Variants in DCC observed in about 807,000 individuals in gnomAD.
DCC encodes netrin receptor DCC.
In DCC, 58 loss-of-function variants were observed where a neutral mutation model predicts 172.5. The ratio of observed to expected loss-of-function variants is 0.34; its 90% CI spans 0.27 to 0.42. The LOEUF (loss-of-function observed/expected upper bound fraction) is 0.42, where lower values mean the gene tolerates loss of function less well. DCC is among the 10% of genes least tolerant of loss of function. The pLI is 1.00. For missense variants in DCC, 1,740 were observed against 1,791.0 expected (o/e 0.97, Z 0.51); for synonymous variants, 709 against 644.5 (o/e 1.10, Z -1.52).
intron 3 of DCC, among the ~76,000 whole-genome samples, chr18:52,916,580 A>G (rs968613676): frequency 1.3e-5 from 2 of 152,184 alleles, no homozygotes; most frequent in Admixed American, 6.6e-5. Context: ...AGAATCATGC[A>G]TGGGTAAAAG....
At chr18:52,558,727 G>A (rs1036384982) in intron 1 of DCC, among the ~76,000 whole-genome samples, 12 of 152,024 alleles carry the variant, frequency 7.9e-5, no homozygotes, top group African/African-American at 1.7e-4. Context: ...ACATCTACCC[G>A]AATTTTAAAT....
At chr18:52,718,597 G>A (rs1001623949) in intron 1 of DCC, among the ~76,000 whole-genome samples, 1 of 152,194 alleles carries the variant, frequency 6.6e-6, no homozygotes, top group East Asian at 1.9e-4. Context: ...CTGCCTCCGT[G>A]TGGCTCTGTG....
chr18:52,629,395 A>G (rs533608437), intron 1 of DCC, among the ~76,000 whole-genome samples: 1 of 152,328 alleles, frequency 6.6e-6, no homozygotes, highest in South Asian at 2.1e-4. Context: ...CTAGATCCCT[A>G]TGGAAATGTG....
intron 1 of DCC, among the ~76,000 whole-genome samples, chr18:52,375,461 A>G (rs1460911097): frequency 6.6e-6 from 1 of 152,222 alleles, no homozygotes; most frequent in Non-Finnish European, 1.5e-5. Context: ...ATCATATCAT[A>G]TAATTAATCT....
At chr18:53,209,846 T>C (rs755766859) in intron 11 of DCC, among the ~76,000 whole-genome samples, 10 of 152,252 alleles carry the variant, frequency 6.6e-5, no homozygotes, top group Non-Finnish European at 1.0e-4. Flanking sequence ...TGTGGCCTGA[T>C]TCTCCACTTT....
chr18:52,983,105 G>T (rs1037027332), intron 5 of DCC, among the ~76,000 whole-genome samples: 1 of 152,100 alleles, frequency 6.6e-6, no homozygotes, highest in South Asian at 2.1e-4. Flanking sequence ...TCTAATATGG[G>T]AAATCACTAG....
At chr18:53,358,974 G>T (rs1482721849) in intron 15 of DCC, among the ~76,000 whole-genome samples, 1 of 152,316 alleles carries the variant, frequency 6.6e-6, no homozygotes, top group East Asian at 1.9e-4. Context: ...GAGGTTGTTA[G>T]AAGATTTTTC....
chr18:53,490,349 G>A (rs12962455), intron 26 of DCC, among the ~76,000 whole-genome samples: 1 of 151,916 alleles, frequency 6.6e-6, no homozygotes, highest in East Asian at 1.9e-4. Context: ...AGAGTTATTG[G>A]CTTGCTATAT....
intron 7 of DCC, among the ~76,000 whole-genome samples, chr18:53,090,287 G>A (rs1014968927): frequency 2.6e-5 from 4 of 152,078 alleles, no homozygotes; most frequent in Admixed American, 2.0e-4. Context: ...AACAGTCCAT[G>A]AGGCCAGTAC....
At chr18:52,520,705 T>A (rs1481519632) in intron 1 of DCC, among the ~76,000 whole-genome samples, 2 of 151,494 alleles carry the variant, frequency 1.3e-5, no homozygotes, top group African/African-American at 4.8e-5. Context: ...ATGACAAGGT[T>A]TTTTTTAAGA....
At chr18:52,618,063 T>A (rs1478544860) in intron 1 of DCC, among the ~76,000 whole-genome samples, 1 of 152,142 alleles carries the variant, frequency 6.6e-6, no homozygotes, top group African/African-American at 2.4e-5. Context: ...AATTAGAAGG[T>A]TGTACAAATA....
In DCC at chr18:52,853,240, TGCCTGGCACAGA is replaced by T. The variant is rs1381480997; in HGVS notation, c.413-52801_413-52790del. 3.9e-5 allele frequency among the ~76,000 whole-genome samples: 6 copies of T among 152,266 alleles called. No homozygotes were observed. The East Asian group carries it at 1.2e-3, about 29-fold the overall frequency. On this transcript the variant is annotated intron_variant, in intron 2 of 28. Coordinates refer to ENST00000442544, the MANE Select transcript of DCC (RefSeq NM_005215.4). Reference sequence around the variant, plus strand: ...CAGATGGTCAGGTTCAGAAGTTTAGTGCCTGGCACAGAGCTGGGCACAGGATAAATCTTCTGT... The same window carrying T: ...CAGATGGTCAGGTTCAGAAGTTTAGTGCTGGGCACAGGATAAATCTTCTGT...
chr18:52,609,230 T>A (rs1568253436), intron 1 of DCC, among the ~76,000 whole-genome samples: 1 of 152,034 alleles, frequency 6.6e-6, no homozygotes, highest in Non-Finnish European at 1.5e-5. Flanking sequence ...CAGAAACAAA[T>A]TTCTTAGAAA....
At chr18:53,306,358 C>T (rs748918796) in intron 13 of DCC, among the ~76,000 whole-genome samples, 17 of 152,152 alleles carry the variant, frequency 1.1e-4, no homozygotes, top group East Asian at 5.8e-4. Flanking sequence ...CAGAATGAGG[C>T]GAGGCTTTCA....
chr18:52,679,727 A>C (rs77817756), intron 1 of DCC, among the ~76,000 whole-genome samples: 1 of 152,228 alleles, frequency 6.6e-6, no homozygotes, highest in East Asian at 1.9e-4. Context: ...TAAAGAATCT[A>C]TAAGTCTTTC....
At chr18:53,470,264 G>A (rs181897797) in intron 25 of DCC, among the ~76,000 whole-genome samples, 1 of 152,244 alleles carries the variant, frequency 6.6e-6, no homozygotes, top group East Asian at 1.9e-4. Flanking sequence ...ACCAGTCTTT[G>A]CTAAAACATA....
chr18:52,506,611 A>G (rs1041725871), intron 1 of DCC, among the ~76,000 whole-genome samples: 2 of 152,148 alleles, frequency 1.3e-5, no homozygotes, highest in Admixed American at 6.6e-5. Flanking sequence ...AATCTGAGTC[A>G]CTATGATTAA....
intron 1 of DCC, among the ~76,000 whole-genome samples, chr18:52,537,434 T>C (rs2032318388): frequency 6.6e-6 from 1 of 152,176 alleles, no homozygotes; most frequent in Non-Finnish European, 1.5e-5. Flanking sequence ...ATGTTTTCCA[T>C]TCAATGTTGG....
intron 1 of DCC, among the ~76,000 whole-genome samples, chr18:52,527,377 A>T (rs1328179916): frequency 6.6e-6 from 1 of 152,252 alleles, no homozygotes; most frequent in Non-Finnish European, 1.5e-5. Context: ...GCTATAATAA[A>T]TGCATAGCTG....
Sources: gnomAD v4.1 joint callset for allele counts (sites outside exome capture counted in the v4.1 genomes callset) on GRCh38, gnomAD v4.1.1 for gene constraint, MANE v1.5 for transcripts, NCBI Gene and HGNC (gene_info 2026-07-23, HGNC 2026-07-21) for gene names.